The following GDA variants were observed in gnomAD, a reference collection of about 807,000 sequenced individuals.
The protein encoded by GDA is cytoplasmic PSD-95 interactor.
In GDA, 18 loss-of-function variants were observed where a neutral mutation model predicts 59.6. The observed-to-expected ratio is 0.30, with a 90% CI of 0.21 to 0.45. GDA has a LOEUF of 0.45. GDA is among the 20% of genes least tolerant of loss of function. GDA has a pLI of 1.00. For synonymous variants in GDA, 201 were observed against 201.1 expected (o/e 1.00, Z 0.00); for missense variants, 427 against 552.3 (o/e 0.77, Z 2.27).
intron 1 of GDA, among the ~76,000 whole-genome samples, chr9:72,142,578 A>T (rs1431965374): frequency 6.6e-6 from 1 of 151,852 alleles, no homozygotes. Context: ...ATCTCAAAAA[A>T]AAAAAAGAAG....
chr9:72,250,803 A>C lies in GDA; in HGVS notation c.*2461A>C. 6.2e-7 allele frequency: 1 copy of C among 1,609,198 alleles called. No homozygotes were observed. Among genetic ancestry groups the C allele is most frequent in the Non-Finnish European group, 8.5e-7 (1 of 1,176,652 alleles). Reference sequence around the variant, plus strand: ...TCACCCCATCCTCCACCATTTCCTTAATGTTCCATGGTATTTTCAACGGAA... The same window carrying C: ...TCACCCCATCCTCCACCATTTCCTTCATGTTCCATGGTATTTTCAACGGAA... On this transcript the variant is annotated 3_prime_UTR_variant, in exon 14 of 14. Coordinates refer to ENST00000358399, the MANE Select transcript of GDA (RefSeq NM_004293.5).
chr9:72,123,426 G>A (rs538402831), intron 1 of GDA, among the ~76,000 whole-genome samples: 14 of 149,462 alleles, frequency 9.4e-5, no homozygotes, highest in South Asian at 2.1e-4. Context: ...CTTGTGATCC[G>A]CCTGCCTTGG....
At chr9:72,210,845 T>C (rs1835267490) in intron 4 of GDA, 71 bp downstream of exon 4, 1 of 954,710 alleles carries the variant, frequency 1.0e-6, no homozygotes, top group African/African-American at 1.6e-5. Context: ...AAACAACTTA[T>C]ATGTACTTTT....
upstream of GDA, among the ~76,000 whole-genome samples, chr9:72,148,787 G>A (rs1726370006): frequency 6.6e-6 from 1 of 152,128 alleles, no homozygotes; most frequent in Non-Finnish European, 1.5e-5. Flanking sequence ...AGCACCCATG[G>A]TACCATTGCT....
chr9:72,200,286 G>A (rs569601411), intron 2 of GDA, among the ~76,000 whole-genome samples: 33 of 152,096 alleles, frequency 2.2e-4, no homozygotes, highest in Admixed American at 9.2e-4. Context: ...GTGAGCCACC[G>A]TGCCCAGCCT....
chr9:72,150,923 C>A (rs1029010263), intron 1 of GDA, among the ~76,000 whole-genome samples: 1 of 151,944 alleles, frequency 6.6e-6, no homozygotes, highest in African/African-American at 2.4e-5. Context: ...TTTCAGGGAA[C>A]TCAGGTTTGG....
At chr9:72,129,101 TACAGGC>T (rs1825943161) in intron 1 of GDA, among the ~76,000 whole-genome samples, 1 of 152,118 alleles carries the variant, frequency 6.6e-6, no homozygotes, top group Non-Finnish European at 1.5e-5. Flanking sequence ...TAGCTGAGAT[TACAGGC>T]ATGCGCCACC....
intron 1 of GDA, among the ~76,000 whole-genome samples, chr9:72,156,537 C>T (rs768032010): frequency 1.2e-4 from 18 of 152,160 alleles, no homozygotes; most frequent in Non-Finnish European, 2.6e-4. Context: ...GCTTTCACTC[C>T]CAATTATTAC....
At chr9:72,235,730 G>A (rs1433110737) in intron 10 of GDA, among the ~76,000 whole-genome samples, 1 of 151,620 alleles carries the variant, frequency 6.6e-6, no homozygotes, top group Non-Finnish European at 1.5e-5. Flanking sequence ...AAAGAGAATT[G>A]CACATATTTT....
At chr9:72,210,003 C>T (rs1014660452) in intron 3 of GDA, among the ~76,000 whole-genome samples, 2 of 152,212 alleles carry the variant, frequency 1.3e-5, no homozygotes, top group South Asian at 4.2e-4. Flanking sequence ...GTAAATCTCT[C>T]TTATAAGGAA....
intron 1 of GDA, among the ~76,000 whole-genome samples, chr9:72,127,673 T>G (rs945398321): frequency 6.6e-6 from 1 of 152,028 alleles, no homozygotes; most frequent in African/African-American, 2.4e-5. Flanking sequence ...CAGAAAATCT[T>G]TTCTGGGAGA....
intron 9 of GDA, among the ~76,000 whole-genome samples, chr9:72,230,090 C>T (rs1299116206): frequency 1.3e-5 from 2 of 152,348 alleles, no homozygotes; most frequent in South Asian, 2.1e-4. Context: ...ATTATGTATG[C>T]ACCAGGGCTT....
At chr9:72,252,895 G>A (rs1840788462), downstream of GDA, among the ~76,000 whole-genome samples, 1 of 152,148 alleles carries the variant, frequency 6.6e-6, no homozygotes, top group Admixed American at 6.5e-5. Context: ...TACATAGACA[G>A]CACTTAAGCT....
Position 72,189,656 on chromosome 9 carries a change from C to T in GDA, c.124-5844C>T, listed in dbSNP as rs545231205. Reference sequence around the variant, plus strand: ...AGGAGTTCGATACCAGCCTGGGCAACGTGGTGAAACCCCTTCTCTACCAAA... The same window carrying T: ...AGGAGTTCGATACCAGCCTGGGCAATGTGGTGAAACCCCTTCTCTACCAAA... On this transcript the variant is annotated intron_variant, in intron 1 of 13. Coordinates refer to ENST00000358399, the MANE Select transcript of GDA (RefSeq NM_004293.5). Among the ~76,000 whole-genome samples, 7 of 152,178 alleles carry T rather than the reference C, an allele frequency of 4.6e-5. No individual in the cohort carries two copies. In the East Asian group the frequency reaches 1.2e-3, roughly 25 times the overall value.
At chr9:72,221,448 G>C (rs140028633) in intron 6 of GDA, among the ~76,000 whole-genome samples, 2 of 152,106 alleles carry the variant, frequency 1.3e-5, no homozygotes, top group African/African-American at 4.8e-5. Flanking sequence ...TACTTCCACC[G>C]ACTGTTAGAA....
chr9:72,254,206 T>G (rs1293253361), downstream of GDA, among the ~76,000 whole-genome samples: 1 of 152,228 alleles, frequency 6.6e-6, no homozygotes, highest in African/African-American at 2.4e-5. Context: ...TAATTCAGAC[T>G]TATCACTTTT....
chr9:72,132,799 G>A (rs1278797820), intron 1 of GDA, among the ~76,000 whole-genome samples: 3 of 152,040 alleles, frequency 2.0e-5, no homozygotes, highest in African/African-American at 4.8e-5. Context: ...CCCTGTACCC[G>A]ACTAAGTTGT....
At chr9:72,209,713 G>T (rs141894833) in intron 3 of GDA, among the ~76,000 whole-genome samples, 69 of 152,218 alleles carry the variant, frequency 4.5e-4, no homozygotes, top group African/African-American at 1.3e-3. Flanking sequence ...CTGGGTGGAG[G>T]TATCACTTGT....
At chr9:72,257,950 A>G (rs891100491), downstream of GDA, among the ~76,000 whole-genome samples, 3 of 149,172 alleles carry the variant, frequency 2.0e-5, no homozygotes, top group Admixed American at 1.3e-4. Flanking sequence ...AAAAAAAAAG[A>G]TACTGAGGAT....
Sources: gnomAD v4.1 joint callset for allele counts (sites outside exome capture counted in the v4.1 genomes callset) on GRCh38, gnomAD v4.1.1 for gene constraint, MANE v1.5 for transcripts, NCBI Gene and HGNC (gene_info 2026-07-23, HGNC 2026-07-21) for gene names.